NT5C3A: variants seen among roughly 807,000 people sequenced by gnomAD.
NT5C3A encodes 5'-nucleotidase, cytosolic IIIA.
In NT5C3A, 23 loss-of-function variants were observed where a neutral mutation model predicts 40.0. The ratio of observed to expected loss-of-function variants is 0.58; its 90% CI spans 0.41 to 0.81. The LOEUF (loss-of-function observed/expected upper bound fraction) is 0.81. Among genes scored for constraint, NT5C3A ranks in the 40% least tolerant of loss-of-function variants. NT5C3A has a pLI of 0.00. For missense variants in NT5C3A, 328 were observed against 403.0 expected (o/e 0.81, Z 1.59); for synonymous variants, 130 against 141.4 (o/e 0.92, Z 0.57).
intron 2 of NT5C3A, 58 bp from the exon 3 acceptor site, chr7:33,024,166 T>C (rs1351246933): frequency 1.0e-6 from 1 of 953,444 alleles, no homozygotes; most frequent in African/African-American, 1.6e-5. Context: ...CCAGAATTTC[T>C]CTGTGCTACC....
chr7:33,061,393 C>CT (rs934911039), intron 1 of NT5C3A, among the ~76,000 whole-genome samples: 1 of 149,544 alleles, frequency 6.7e-6, no homozygotes, highest in Non-Finnish European at 1.5e-5. Context: ...TGGGAATTAA[C>CT]TTTTTTTTTT....
chr7:33,044,021 A>G (rs907622061), intron 1 of NT5C3A, among the ~76,000 whole-genome samples: 1 of 151,266 alleles, frequency 6.6e-6, no homozygotes, highest in African/African-American at 2.4e-5. Context: ...GAGTTGGGAC[A>G]CTTTTTTTTT....
Position 33,014,561 on chromosome 7 carries a change from A to G in NT5C3A, c.*169T>C. 1.1e-6 allele frequency: 1 copy of G among 939,730 alleles called. No individual in the cohort carries two copies. Among genetic ancestry groups the G allele is most frequent in the Non-Finnish European group, 1.6e-6 (1 of 616,724 alleles). The allele number at this position is 939,730 out of a possible 1,614,324, so 58.2% of individuals were successfully genotyped here. On this transcript the variant is annotated 3_prime_UTR_variant, in exon 9 of 9. Coordinates refer to ENST00000610140, the MANE Select transcript of NT5C3A (RefSeq NM_001002010.5). ...GTGAGGAGTGTGTTGAGAGAGGTGG[A>G]GAAAAGGAGCTTCCAGTCAATGCAT...
intron 8 of NT5C3A, among the ~76,000 whole-genome samples, chr7:33,015,127 A>T (rs1370318135): frequency 1.3e-5 from 2 of 152,116 alleles, no homozygotes; most frequent in Non-Finnish European, 2.9e-5. Context: ...GTCTCATGGC[A>T]GGAGACTGCT....
intron 1 of NT5C3A, among the ~76,000 whole-genome samples, chr7:33,049,618 T>C (rs576787633): frequency 6.6e-6 from 1 of 152,294 alleles, no homozygotes; most frequent in South Asian, 2.1e-4. Flanking sequence ...GTACATATTG[T>C]ACACAAAATA....
intron 2 of NT5C3A, among the ~76,000 whole-genome samples, chr7:33,026,459 A>AT (rs755326041): frequency 4.6e-4 from 70 of 150,598 alleles, no homozygotes; most frequent in Non-Finnish European, 2.2e-4. Context: ...GGGTTAAGTG[A>AT]TTAGCCTGCC....
chr7:33,052,667 G>C (rs767902527), intron 1 of NT5C3A, among the ~76,000 whole-genome samples: 12 of 152,026 alleles, frequency 7.9e-5, no homozygotes, highest in Non-Finnish European at 1.6e-4. Flanking sequence ...TTGTCTGGCA[G>C]CACCGATTCT....
chr7:33,050,795 C>T (rs1043812601), intron 1 of NT5C3A, among the ~76,000 whole-genome samples: 1 of 151,660 alleles, frequency 6.6e-6, no homozygotes, highest in Admixed American at 6.5e-5. Context: ...AGTTGTCTTA[C>T]TTGGTTTAAA....
Position 33,024,037 on chromosome 7 carries a change from A to C in NT5C3A, c.307+2T>G, listed in dbSNP as rs775048013. On this transcript the variant is annotated splice_donor_variant, in intron 3 of 8. Transcript: ENST00000610140. LOFTEE classifies it high-confidence loss of function. Reference sequence around the variant, plus strand: ...GAATTTGTTTACAAATATCACACTTACTATGACATGTTGGGCATCTTTTCC... The same window carrying C: ...GAATTTGTTTACAAATATCACACTTCCTATGACATGTTGGGCATCTTTTCC... 6.0e-6 allele frequency: 9 copies of C among 1,502,826 alleles called. No homozygotes were observed. 93.1% of individuals were successfully genotyped at this position (1,502,826 alleles called of 1,614,324 possible). A position where few individuals can be genotyped will look rare whatever the true frequency, so the allele number is the denominator to read the frequency against.
At chr7:33,021,238 T>C (rs768576253) in intron 5 of NT5C3A, 34 bp downstream of exon 5, 1 of 1,609,184 alleles carries the variant, frequency 6.2e-7, no homozygotes, top group Non-Finnish European at 8.5e-7. Flanking sequence ...TTATTATTTT[T>C]TTTTAATCCT....
At chr7:33,044,255 C>T (rs1208098269) in intron 1 of NT5C3A, among the ~76,000 whole-genome samples, 2 of 152,070 alleles carry the variant, frequency 1.3e-5, no homozygotes, top group Non-Finnish European at 2.9e-5. Context: ...CAACACATAA[C>T]ATGAGAGGGC....
In NT5C3A at chr7:33,014,756, T is replaced by C; in HGVS notation, c.970A>G (p.Asn324Asp). The change falls in exon 9 of 9, where the codon AAC becomes GAC. Residue 324 changes from asparagine (N) to aspartate (D), a missense_variant. Physicochemically the swap from Asn to Asp is conservative, Grantham distance 23. Transcript: ENST00000610140. ...LVQDESLEVA[N>D]SILQKIL The stretch of plus-strand genomic sequence containing the variant: ...TATAGAATCTTCTGTAAAATAGAGT[T>C]GGCTACTTCTAATGATTCATCTTGT... 1 of 1,612,728 alleles carries C rather than the reference T, an allele frequency of 6.2e-7. No individual in the cohort carries two copies. The highest frequency in any genetic ancestry group is 1.1e-5 in the South Asian group (1 of 91,042).
chr7:33,015,972 T>A, intron 7 of NT5C3A, 102 bp from the exon 8 acceptor site: 1 of 789,818 alleles, frequency 1.3e-6, no homozygotes, highest in Non-Finnish European at 2.2e-6. Context: ...TTCATCATAT[T>A]TGTAAATACA....
chr7:33,015,425 T>G (rs951840713), intron 8 of NT5C3A, among the ~76,000 whole-genome samples: 9 of 152,090 alleles, frequency 5.9e-5, no homozygotes, highest in African/African-American at 2.2e-4. Context: ...CAGCCAGGTG[T>G]AGTGGTGTGC....
intron 1 of NT5C3A, among the ~76,000 whole-genome samples, chr7:33,035,354 C>T (rs4720096): frequency 0.72 from 110,089 of 151,874 alleles, 40,167 homozygotes; most frequent in African/African-American, 0.79. Context: ...TTACCATGCC[C>T]GGCTAATTTT....
At chr7:33,046,266 G>A (rs1356107459) in intron 1 of NT5C3A, among the ~76,000 whole-genome samples, 1 of 152,196 alleles carries the variant, frequency 6.6e-6, no homozygotes, top group Non-Finnish European at 1.5e-5. Flanking sequence ...GCCTGGGGCT[G>A]AGGCTCACAT....
At chr7:33,036,535 GA>G (rs1165164017) in intron 1 of NT5C3A, among the ~76,000 whole-genome samples, 1 of 151,994 alleles carries the variant, frequency 6.6e-6, no homozygotes. Context: ...TTTGTATGGA[GA>G]ATCTGAAGCT....
intron 1 of NT5C3A, among the ~76,000 whole-genome samples, chr7:33,028,222 G>C (rs1786053912): frequency 6.6e-6 from 1 of 152,130 alleles, no homozygotes; most frequent in South Asian, 2.1e-4. Context: ...GATCACTGGA[G>C]CCCAGGAGTT....
At chr7:33,030,589 C>T (rs1173699457) in intron 1 of NT5C3A, among the ~76,000 whole-genome samples, 1 of 152,058 alleles carries the variant, frequency 6.6e-6, no homozygotes, top group Non-Finnish European at 1.5e-5. Context: ...GGGAGCAATG[C>T]CTTCCTGAAA....
Sources: gnomAD v4.1 joint callset for allele counts (sites outside exome capture counted in the v4.1 genomes callset) on GRCh38, gnomAD v4.1.1 for gene constraint, MANE v1.5 for transcripts, NCBI Gene and HGNC (gene_info 2026-07-23, HGNC 2026-07-21) for gene names.